CRACR2A: variants seen among roughly 807,000 people sequenced by gnomAD.
The protein encoded by CRACR2A is EF-hand calcium-binding domain-containing protein 4B.
Under a neutral mutation model 90.5 loss-of-function variants are expected in CRACR2A, and 79 were observed. That is an observed-to-expected ratio of 0.87 (90% CI 0.73 to 1.05). CRACR2A has a LOEUF of 1.05. CRACR2A is among the 50% of genes least tolerant of loss of function. CRACR2A has a pLI of 0.00. For synonymous variants in CRACR2A, 338 were observed against 356.7 expected (o/e 0.95, Z 0.59); for missense variants, 823 against 897.2 (o/e 0.92, Z 1.06).
chr12:3,706,548 C>T (rs368762215), intron 3 of CRACR2A, among the ~76,000 whole-genome samples: 1 of 152,184 alleles, frequency 6.6e-6, no homozygotes, highest in Non-Finnish European at 1.5e-5. Flanking sequence ...CTCTGAACTT[C>T]ATTTTCCTCA....
chr12:3,744,066 C>T (rs1165410267), intron 1 of CRACR2A, among the ~76,000 whole-genome samples: 1 of 152,116 alleles, frequency 6.6e-6, no homozygotes, highest in Non-Finnish European at 1.5e-5. Flanking sequence ...CAAGAGGGGA[C>T]AGGAAAGCAA....
rs765205949 is a variant in CRACR2A at position 3,654,314 on chromosome 12, A to G, written c.944T>C (p.Leu315Pro). 4 of 1,614,108 alleles carry G rather than the reference A, an allele frequency of 2.5e-6. No individual in the cohort carries two copies. The South Asian group carries it at 4.4e-5, about 18-fold the overall frequency. The change falls in exon 10 of 20, where the codon CTG (leucine) becomes CCG (proline). Residue 315 changes from leucine to proline, a missense_variant. Transcript: ENST00000440314. ...NTKLKLTNQE[L>P]ARELERTSWE... ...GGAAGTCCGCTCCAGCTCCCGGGCC[A>G]GCTCCTGGTTAGTGAGTTTCAGCTT...
intron 4 of CRACR2A, among the ~76,000 whole-genome samples, chr12:3,684,539 C>T (rs1445131477): frequency 6.6e-6 from 1 of 152,194 alleles, no homozygotes; most frequent in East Asian, 1.9e-4. Flanking sequence ...GCACTTCCCT[C>T]ACCAGTCGTT....
chr12:3,680,306 T>C lies in CRACR2A; in HGVS notation c.272A>G (p.Asp91Gly), dbSNP rs760754490. ...ELPLSLEELEDVFDALDADGN... is the reference protein window; with the variant it reads ...ELPLSLEELEGVFDALDADGN... ...ATCAGCATCCAGGGCATCAAACACATCCTCCAGTTCCTCCAGGCTGAGCGG... is the reference window on the plus strand; with the variant it reads ...ATCAGCATCCAGGGCATCAAACACACCCTCCAGTTCCTCCAGGCTGAGCGG... Residue 91 changes from aspartate (D) to glycine (G), a missense_variant, in exon 5 of 20, where the codon GAT becomes GGT. Coordinates refer to ENST00000440314, the MANE Select transcript of CRACR2A (RefSeq NM_001144958.2). 2.5e-6 allele frequency: 4 copies of C among 1,614,156 alleles called. No homozygotes were observed. The highest frequency in any genetic ancestry group is 3.3e-5 in the Admixed American group (2 of 60,020).
intron 4 of CRACR2A, among the ~76,000 whole-genome samples, chr12:3,696,011 A>C (rs758674805): frequency 2.6e-5 from 4 of 152,250 alleles, no homozygotes; most frequent in Non-Finnish European, 5.9e-5. Flanking sequence ...TAAATGGTCA[A>C]AAAGAAATAT....
At chr12:3,686,178 C>A (rs1945549996) in intron 4 of CRACR2A, among the ~76,000 whole-genome samples, 1 of 152,212 alleles carries the variant, frequency 6.6e-6, no homozygotes, top group South Asian at 2.1e-4. Flanking sequence ...CTATAAAAAT[C>A]TTTTAAAGTT....
At chr12:3,659,967 C>T (rs80093766) in intron 7 of CRACR2A, among the ~76,000 whole-genome samples, 30,928 of 152,140 alleles carry the variant, frequency 0.2, 3,595 homozygotes, top group Non-Finnish European at 0.26. Context: ...GACCATCTCC[C>T]TTTATTTTAC....
At chr12:3,632,264 C>A (rs1466745242) in intron 15 of CRACR2A, among the ~76,000 whole-genome samples, 1 of 152,198 alleles carries the variant, frequency 6.6e-6, no homozygotes, top group East Asian at 1.9e-4. Context: ...TCCTGTACAG[C>A]CTGCAGAACC....
chr12:3,742,357 C>T (rs537135114), intron 1 of CRACR2A, among the ~76,000 whole-genome samples: 19 of 152,272 alleles, frequency 1.2e-4, no homozygotes, highest in Admixed American at 6.5e-4. Context: ...TACAGGGTTC[C>T]GAATACCATC....
intron 13 of CRACR2A, chr12:3,640,911 T>A: frequency 2.0e-6 from 2 of 1,012,864 alleles, no homozygotes; most frequent in Non-Finnish European, 2.6e-6. Flanking sequence ...ATGTGTTATG[T>A]TTGAGTTAAT....
intron 11 of CRACR2A, 49 bp downstream of exon 11, chr12:3,648,493 C>T: frequency 6.2e-7 from 1 of 1,613,732 alleles, no homozygotes; most frequent in African/African-American, 1.3e-5. Context: ...CTTCCGACCC[C>T]AGGCTTCTGG....
In CRACR2A at chr12:3,673,464, A is replaced by G. The variant is rs144274217; in HGVS notation, c.653T>C (p.Leu218Pro). ...TACCCACCTTTTTAGGGCACACTCC[A>G]GTTCATTCTTCTCCTCATGGGCTTC... ...LQEAHEEKNE[L>P]ECALKRKIAA... The change falls in exon 7 of 20, where the codon CTG (leucine) becomes CCG (proline). Residue 218 changes from leucine (L) to proline (P), a missense_variant. Transcript: ENST00000440314. 1.4e-5 allele frequency: 23 copies of G among 1,613,770 alleles called. No individual in the cohort carries two copies. In the East Asian group the frequency reaches 4.9e-4, roughly 34 times the overall value.
chr12:3,616,020 C>T (rs147128625), intron 19 of CRACR2A, among the ~76,000 whole-genome samples: 4 of 152,358 alleles, frequency 2.6e-5, no homozygotes, highest in African/African-American at 4.8e-5. Context: ...AACGCTTTTG[C>T]GTTACGCACC....
At chr12:3,680,164 G>C (rs1189683746) in intron 5 of CRACR2A, 74 bp downstream of exon 5, 2 of 1,263,338 alleles carry the variant, frequency 1.6e-6, no homozygotes, top group Non-Finnish European at 2.3e-6. Flanking sequence ...AGGTCTACAA[G>C]GGACAGGAAT....
intron 7 of CRACR2A, among the ~76,000 whole-genome samples, chr12:3,666,366 C>A (rs148295317): frequency 2.7e-5 from 3 of 110,366 alleles, no homozygotes; most frequent in African/African-American, 1.1e-4. Context: ...CGTGCGTGTG[C>A]GCGTGCGCGC....
chr12:3,694,078 T>G (rs200527963), intron 4 of CRACR2A, among the ~76,000 whole-genome samples: 1 of 152,162 alleles, frequency 6.6e-6, no homozygotes, highest in Non-Finnish European at 1.5e-5. Flanking sequence ...GGTAGCCCCA[T>G]GCAGGATTCC....
chr12:3,636,786 A>G (rs56369277), intron 14 of CRACR2A, among the ~76,000 whole-genome samples: 10,547 of 152,290 alleles, frequency 0.069, 481 homozygotes, highest in African/African-American at 0.13. Flanking sequence ...CCCCTGCACC[A>G]GGGCCCTTGA....
chr12:3,669,469 C>T (rs1945203386), intron 7 of CRACR2A, among the ~76,000 whole-genome samples: 1 of 152,198 alleles, frequency 6.6e-6, no homozygotes, highest in African/African-American at 2.4e-5. Flanking sequence ...GAAGTCTCAC[C>T]TCCCTTCCTT....
At chr12:3,686,569 C>T (rs1945557556) in intron 4 of CRACR2A, among the ~76,000 whole-genome samples, 1 of 152,142 alleles carries the variant, frequency 6.6e-6, no homozygotes, top group African/African-American at 2.4e-5. Context: ...ATCTCCTGCC[C>T]ATCCTCTCTC....
Sources: gnomAD v4.1 joint callset for allele counts (sites outside exome capture counted in the v4.1 genomes callset) on GRCh38, gnomAD v4.1.1 for gene constraint, MANE v1.5 for transcripts, NCBI Gene and HGNC (gene_info 2026-07-23, HGNC 2026-07-21) for gene names.